The following USP42 variants were observed in gnomAD, a reference collection of about 807,000 sequenced individuals.
USP42 encodes the protein ubiquitin carboxyl-terminal hydrolase 42.
A neutral mutation model predicts 113.0 loss-of-function variants in USP42; 23 were observed. That is an observed-to-expected ratio of 0.20 (90% CI 0.15 to 0.29). USP42 has a LOEUF of 0.29. Ranked by LOEUF, USP42 falls within the 10% of genes least tolerant of loss-of-function variation. The pLI, the probability that USP42 is intolerant of heterozygous loss-of-function variation, is 1.00. For missense variants in USP42, 2,174 were observed against 1,779.8 expected (o/e 1.22, Z -3.99); for synonymous variants, 933 against 699.0 (o/e 1.33, Z -5.28).
At chr7:6,142,471 C>T (rs1377484809) in intron 7 of USP42, among the ~76,000 whole-genome samples, 1 of 152,272 alleles carries the variant, frequency 6.6e-6, no homozygotes. Flanking sequence ...CTGCCTTGGC[C>T]TCCCAACGTG....
chr7:6,105,655 C>G (rs1221820507), intron 1 of USP42, among the ~76,000 whole-genome samples: 3 of 152,228 alleles, frequency 2.0e-5, no homozygotes, highest in Admixed American at 1.3e-4. Flanking sequence ...GCGGAGCGGC[C>G]ACCCCGAAGG....
chr7:6,147,113 AT>A (rs1443018748), intron 11 of USP42, among the ~76,000 whole-genome samples: 1 of 152,240 alleles, frequency 6.6e-6, no homozygotes, highest in Non-Finnish European at 1.5e-5. Flanking sequence ...ACATTGAAAT[AT>A]TAAACACTGG....
At chr7:6,093,887 TA>T in the USP42 span, among the ~76,000 whole-genome samples, 1 of 151,088 alleles carries the variant, frequency 6.6e-6, no homozygotes, top group Non-Finnish European at 1.5e-5. Context: ...GAGGATCAAC[TA>T]CAAGGTTATT....
chr7:6,103,749 AAAAAAAC>A (rs1369818019), upstream of USP42, among the ~76,000 whole-genome samples: 2 of 149,764 alleles, frequency 1.3e-5, no homozygotes, highest in South Asian at 2.1e-4. Flanking sequence ...AAAAAAAAAA[AAAAAAAC>A]AAAACTTAAA....
chr7:6,150,023 C>T lies in USP42; in HGVS notation c.1827C>T (p.Ala609=), dbSNP rs371439868. The T allele has an allele frequency of 2.5e-5, 41 of 1,612,476 alleles. No homozygotes were observed. The African/African-American group carries it at 4.1e-4, about 16-fold the overall frequency. Residue 609 remains alanine (A), a synonymous_variant, in exon 13 of 18, where the codon GCC becomes GCT. Coordinates refer to ENST00000306177, the MANE Select transcript of USP42 (RefSeq NM_032172.3). ...CCAGCGTGCTGGTGCCCTATGGCGC[C>T]GAGTCCTCTGAGGACTCTGACGAGG... The part of the protein sequence containing the change: ...LNSSVLVPYG[A]ESSEDSDEES...
At chr7:6,122,837 C>G (rs1033457717) in intron 3 of USP42, among the ~76,000 whole-genome samples, 4 of 151,616 alleles carry the variant, frequency 2.6e-5, no homozygotes, top group African/African-American at 9.7e-5. Flanking sequence ...CTCCTGGCTT[C>G]AAGACAGTTG....
the USP42 span, among the ~76,000 whole-genome samples, chr7:6,091,982 T>C: frequency 5.1e-4 from 11 of 21,364 alleles, no homozygotes; most frequent in East Asian, 2.6e-3. Flanking sequence ...GTATTTTTTC[T>C]TCTTCTTCTT....
intron 2 of USP42, among the ~76,000 whole-genome samples, chr7:6,113,771 G>A (rs1779730838): frequency 6.6e-6 from 1 of 152,178 alleles, no homozygotes; most frequent in South Asian, 2.1e-4. Flanking sequence ...ACAGGTGCCT[G>A]CCACCACACC....
In USP42 at chr7:6,154,189, C is replaced by G. The variant is rs946399524; in HGVS notation, c.2635C>G (p.His879Asp). Reference sequence around the variant, plus strand: ...ACTCCTTGTTCACCCCAGCGGGGACCACGCCCGGGACGCTCAGGACCCATC... The same window carrying G: ...ACTCCTTGTTCACCCCAGCGGGGACGACGCCCGGGACGCTCAGGACCCATC... ...QPLLVHPSGD[H>D]ARDAQDPSQS... The change falls in exon 15 of 18, where the codon CAC becomes GAC. Residue 879 changes from histidine (H) to aspartate (D), a missense_variant. Coordinates refer to ENST00000306177, the MANE Select transcript of USP42 (RefSeq NM_032172.3). 3.9e-5 allele frequency: 63 copies of G among 1,600,662 alleles called. No individual in the cohort carries two copies. Among genetic ancestry groups the G allele is most frequent in the Non-Finnish European group, 5.1e-5 (60 of 1,175,682 alleles).
rs958244875 is a variant in USP42 at position 6,158,003 on chromosome 7, G to A, written c.3943+948G>A. On this transcript the variant is annotated intron_variant, in intron 16 of 17. Transcript: ENST00000306177. The surrounding 1 kb of genome is among the most constrained non-coding windows in gnomAD (Gnocchi z 4.2). ...GAAGCGGATGTCACTCGAGTCAGTGGACCTAGAGCGGAGGCTGGCAAACTG... is the reference window on the plus strand; with the variant it reads ...GAAGCGGATGTCACTCGAGTCAGTGAACCTAGAGCGGAGGCTGGCAAACTG... Among the ~76,000 whole-genome samples the A allele has an allele frequency of 1.6e-4, 25 of 152,348 alleles. No individual in the cohort carries two copies. The highest frequency in any genetic ancestry group is 5.8e-4 in the African/African-American group (24 of 41,588).
chr7:6,090,911 A>G, the USP42 span, among the ~76,000 whole-genome samples: 1 of 150,308 alleles, frequency 6.7e-6, no homozygotes. Flanking sequence ...ACTAAAAAGT[A>G]TTATGTATTT....
chr7:6,087,017 C>T, the USP42 span, among the ~76,000 whole-genome samples: 1 of 148,896 alleles, frequency 6.7e-6, no homozygotes, highest in Non-Finnish European at 1.5e-5. Context: ...TGTGAGCCAC[C>T]GCCTCCAGCC....
rs1170542937 is a variant in USP42, at chr7:6,142,823, G to A, written c.796-109G>A. On this transcript the variant is annotated intron_variant, in intron 7 of 17. Transcript: ENST00000306177. ...TGCTTGAGCCCAGGAGGTCGAGGCT[G>A]CAGTGAGCTGTGATTGTGCCACTGC... 9.4e-5 allele frequency: 91 copies of A among 968,230 alleles called. 1 individual carries two copies. Among genetic ancestry groups the A allele is most frequent in the Non-Finnish European group, 9.7e-6 (6 of 621,136 alleles). The allele number at this position is 968,230 out of a possible 1,614,324, so 60.0% of individuals were successfully genotyped here. A position where few individuals can be genotyped will look rare whatever the true frequency, so the allele number is the denominator to read the frequency against.
chr7:6,126,779 C>CA (rs1293539361), intron 3 of USP42, among the ~76,000 whole-genome samples: 1 of 152,064 alleles, frequency 6.6e-6, no homozygotes, highest in Non-Finnish European at 1.5e-5. Flanking sequence ...CTGCGGTAAA[C>CA]ATCCAGGTTG....
At chr7:6,114,672 ATATATATTTTTTTTTT>A (rs1193775866) in intron 2 of USP42, among the ~76,000 whole-genome samples, 3 of 33,740 alleles carry the variant, frequency 8.9e-5, no homozygotes, top group African/African-American at 1.4e-4. Flanking sequence ...ATATATATAT[ATATATATTTTTTTTTT>A]TTTTTTTTTT....
At chr7:6,128,469 A>T (rs28589289) in intron 3 of USP42, among the ~76,000 whole-genome samples, 1 of 151,874 alleles carries the variant, frequency 6.6e-6, no homozygotes, top group Non-Finnish European at 1.5e-5. Flanking sequence ...CTTGCATGAC[A>T]TATCTTTTTT....
chr7:6,126,138 A>C (rs1382450931), intron 3 of USP42, among the ~76,000 whole-genome samples: 6 of 152,162 alleles, frequency 3.9e-5, no homozygotes, highest in Non-Finnish European at 7.3e-5. Flanking sequence ...TGTCATTTCA[A>C]CAGTGTTACG....
intron 3 of USP42, among the ~76,000 whole-genome samples, chr7:6,119,504 G>A (rs984893040): frequency 1.3e-5 from 2 of 152,062 alleles, no homozygotes; most frequent in Non-Finnish European, 2.9e-5. Context: ...GGCTCTTCAT[G>A]GTTGCTTGGC....
rs376728655 is a variant in USP42, at chr7:6,154,628, G to C, written c.3074G>C (p.Arg1025Pro). 4.4e-6 allele frequency: 7 copies of C among 1,600,904 alleles called. No homozygotes were observed. The highest frequency in any genetic ancestry group is 6.0e-6 in the Non-Finnish European group (7 of 1,175,052). Residue 1025 changes from arginine to proline, a missense_variant, in exon 15 of 18, where the codon CGG becomes CCG. Transcript: ENST00000306177. Reference sequence around the variant, plus strand: ...TGCAGTCACCACCACTCCCGACACCGGAGCGGGGTGGAGCTGGACTGGGTC... The same window carrying C: ...TGCAGTCACCACCACTCCCGACACCCGAGCGGGGTGGAGCTGGACTGGGTC... ...GRCSHHHSRHRSGVELDWVRH... is the reference protein window; with the variant it reads ...GRCSHHHSRHPSGVELDWVRH...
Sources: gnomAD v4.1 joint callset for allele counts (sites outside exome capture counted in the v4.1 genomes callset) on GRCh38, gnomAD v4.1.1 for gene constraint, Gnocchi (gnomAD v3.1) non-coding constraint, MANE v1.5 for transcripts, NCBI Gene and HGNC (gene_info 2026-07-23, HGNC 2026-07-21) for gene names.